Variants in CPPED1 observed in about 807,000 individuals in gnomAD.
The protein encoded by CPPED1 is serine/threonine-protein phosphatase CPPED1.
A neutral mutation model predicts 28.0 loss-of-function variants in CPPED1; 28 were observed. The ratio of observed to expected loss-of-function variants is 1.00; its 90% CI spans 0.74 to 1.37. The LOEUF (loss-of-function observed/expected upper bound fraction) is 1.37. Ranked by LOEUF, CPPED1 falls within the 40% of genes most tolerant of loss-of-function variation. CPPED1 has a pLI of 0.00. For missense variants in CPPED1, 504 were observed against 416.5 expected (o/e 1.21, Z -1.83); for synonymous variants, 198 against 180.2 (o/e 1.10, Z -0.79).
chr16:12,770,090 A>T (rs2080461180), intron 2 of CPPED1, among the ~76,000 whole-genome samples: 1 of 152,224 alleles, frequency 6.6e-6, no homozygotes, highest in Non-Finnish European at 1.5e-5. Flanking sequence ...GCGGTGCAGG[A>T]ACTTATTGCT....
rs533635587 is a variant in CPPED1, at chr16:12,731,686, G to A, written c.290-26637C>T. 2.0e-4 allele frequency among the ~76,000 whole-genome samples: 30 copies of A among 151,404 alleles called. 1 individual carries two copies. In the East Asian group the frequency reaches 4.5e-3, roughly 22 times the overall value. On this transcript the variant is annotated intron_variant, in intron 2 of 3. Transcript: ENST00000381774. ...GTGGGCGAGAAGGCCTCCCTCCCCCGCATTTGTCAGTTTTTCTGTGCTGTA... is the reference window on the plus strand; with the variant it reads ...GTGGGCGAGAAGGCCTCCCTCCCCCACATTTGTCAGTTTTTCTGTGCTGTA...
intron 3 of CPPED1, among the ~76,000 whole-genome samples, chr16:12,699,119 C>T (rs891604161): frequency 6.6e-6 from 1 of 152,134 alleles, no homozygotes; most frequent in Non-Finnish European, 1.5e-5. Context: ...ACCAAAATTT[C>T]ATTATCTACT....
intron 2 of CPPED1, among the ~76,000 whole-genome samples, chr16:12,738,731 G>A (rs998217476): frequency 6.6e-6 from 1 of 152,080 alleles, no homozygotes; most frequent in Non-Finnish European, 1.5e-5. Flanking sequence ...TACCATACAA[G>A]GTCCTGCTAA....
At chr16:12,671,644 G>A (rs1325319609) in intron 3 of CPPED1, among the ~76,000 whole-genome samples, 1 of 152,200 alleles carries the variant, frequency 6.6e-6, no homozygotes, top group Non-Finnish European at 1.5e-5. Flanking sequence ...GAGAGAAACA[G>A]CTACAGTCAC....
intron 2 of CPPED1, among the ~76,000 whole-genome samples, chr16:12,766,698 G>A (rs1044986799): frequency 6.6e-6 from 1 of 152,114 alleles, no homozygotes; most frequent in African/African-American, 2.4e-5. Context: ...GAACCAGGGG[G>A]GCGCAGGTTG....
At chr16:12,801,463 AT>A (rs1366423748) in intron 1 of CPPED1, among the ~76,000 whole-genome samples, 25 of 152,146 alleles carry the variant, frequency 1.6e-4, no homozygotes, top group Admixed American at 1.3e-3. Flanking sequence ...GAAAAAAAAA[AT>A]AATACAGCAG....
intron 3 of CPPED1, among the ~76,000 whole-genome samples, chr16:12,691,283 T>G (rs2079961430): frequency 6.6e-6 from 1 of 152,196 alleles, no homozygotes; most frequent in Non-Finnish European, 1.5e-5. Flanking sequence ...TGTGTGTGTT[T>G]TCTTTCTTTC....
intron 2 of CPPED1, among the ~76,000 whole-genome samples, chr16:12,755,882 C>G (rs924291743): frequency 6.6e-6 from 1 of 152,114 alleles, no homozygotes; most frequent in African/African-American, 2.4e-5. Context: ...CCTGTAAACC[C>G]AGCACTTTGG....
At position 12,670,427 on chromosome 16, in the gene CPPED1, G is replaced by A. The variant is rs1220211006; in HGVS notation, c.716-5312C>T. Among the ~76,000 whole-genome samples the A allele has an allele frequency of 1.3e-5, 2 of 152,094 alleles. No homozygotes were observed. Among genetic ancestry groups the A allele is most frequent in the African/African-American group, 4.8e-5 (2 of 41,410 alleles). Reference sequence around the variant, plus strand: ...ATGACACAGACACCCCACCCTCTAGGAAGTAGTGCATCTTTCTTCATCCCT... The same window carrying A: ...ATGACACAGACACCCCACCCTCTAGAAAGTAGTGCATCTTTCTTCATCCCT... On this transcript the variant is annotated intron_variant, in intron 3 of 3. Transcript: ENST00000381774. This position sits in a 1 kb window ranked among gnomAD's most constrained non-coding sequence, Gnocchi z 4.2.
At chr16:12,723,491 A>C (rs1245427634) in intron 2 of CPPED1, among the ~76,000 whole-genome samples, 1 of 152,186 alleles carries the variant, frequency 6.6e-6, no homozygotes, top group Non-Finnish European at 1.5e-5. Context: ...TAATGAGAAC[A>C]CAGCTGCAGA....
At chr16:12,732,893 G>A (rs937601906) in intron 2 of CPPED1, among the ~76,000 whole-genome samples, 5 of 152,108 alleles carry the variant, frequency 3.3e-5, no homozygotes, top group African/African-American at 9.7e-5. Context: ...TAAAAAGGAG[G>A]CAAAGGTAGA....
At chr16:12,731,321 T>A (rs1195367196) in intron 2 of CPPED1, among the ~76,000 whole-genome samples, 1 of 151,406 alleles carries the variant, frequency 6.6e-6, no homozygotes. Flanking sequence ...GCCTGGCTGA[T>A]TTTTTGTATT....
Position 12,704,996 on chromosome 16 carries a change from C to T in CPPED1, c.343G>A (p.Val115Met), listed in dbSNP as rs143195532. 2.5e-6 allele frequency: 4 copies of T among 1,614,162 alleles called. No individual in the cohort carries two copies. The highest frequency in any genetic ancestry group is 2.7e-5 in the African/African-American group (2 of 75,054). ...AGGACCAGTGGGATGGCCCTGTCCA[C>T]TGCCCTAAGCACTCGCTTCAGGTCC... ...TEDLKRVLRA[V>M]DRAIPLVLVS... Residue 115 changes from valine (V) to methionine (M), a missense_variant, in exon 3 of 4, where the codon GTG (valine) becomes ATG (methionine). Coordinates refer to ENST00000381774, the MANE Select transcript of CPPED1 (RefSeq NM_018340.3).
At chr16:12,788,133 G>C (rs1358294170) in intron 1 of CPPED1, among the ~76,000 whole-genome samples, 2 of 152,184 alleles carry the variant, frequency 1.3e-5, no homozygotes, top group Non-Finnish European at 2.9e-5. Flanking sequence ...ACAAGGCAGA[G>C]GGTCTGCTAG....
chr16:12,746,390 A>AAAG (rs1489945915), intron 2 of CPPED1, among the ~76,000 whole-genome samples: 1 of 151,924 alleles, frequency 6.6e-6, no homozygotes, highest in Non-Finnish European at 1.5e-5. Context: ...AAAAAAAAAA[A>AAAG]AAAAATTCGA....
At chr16:12,791,418 T>A (rs1412527555) in intron 1 of CPPED1, among the ~76,000 whole-genome samples, 1 of 152,154 alleles carries the variant, frequency 6.6e-6, no homozygotes, top group African/African-American at 2.4e-5. Context: ...TGGCTGCACA[T>A]CTTTCTTTAA....
chr16:12,724,348 C>A (rs1186413389), intron 2 of CPPED1, among the ~76,000 whole-genome samples: 1 of 152,228 alleles, frequency 6.6e-6, no homozygotes, highest in Non-Finnish European at 1.5e-5. Flanking sequence ...CCTTGCAGAA[C>A]TGGCAAGAGC....
At chr16:12,766,578 T>C (rs2080440880) in intron 2 of CPPED1, among the ~76,000 whole-genome samples, 1 of 152,068 alleles carries the variant, frequency 6.6e-6, no homozygotes, top group Admixed American at 6.5e-5. Context: ...ATTATGGAAG[T>C]ACAATTCAAG....
intron 3 of CPPED1, among the ~76,000 whole-genome samples, chr16:12,683,551 G>A (rs9935659): frequency 0.33 from 50,620 of 151,960 alleles, 12,024 homozygotes; most frequent in African/African-American, 0.68. Flanking sequence ...AACTCAACCC[G>A]CTTACTTCTT....
Sources: gnomAD v4.1 joint callset for allele counts (sites outside exome capture counted in the v4.1 genomes callset) on GRCh38, gnomAD v4.1.1 for gene constraint, Gnocchi (gnomAD v3.1) non-coding constraint, MANE v1.5 for transcripts, NCBI Gene and HGNC (gene_info 2026-07-23, HGNC 2026-07-21) for gene names.